The following TPD52L1 variants were observed in gnomAD, a reference collection of about 807,000 sequenced individuals.
TPD52L1 encodes the protein tumor protein D53.
Under a neutral mutation model 28.7 loss-of-function variants are expected in TPD52L1, and 18 were observed. The observed-to-expected ratio is 0.63, with a 90% CI of 0.43 to 0.93. The LOEUF (loss-of-function observed/expected upper bound fraction) is 0.93, where lower values mean the gene tolerates loss of function less well. Among genes scored for constraint, TPD52L1 ranks in the 40% least tolerant of loss-of-function variants. TPD52L1 has a pLI of 0.00. For missense variants in TPD52L1, 203 were observed against 254.8 expected, an observed-to-expected ratio of 0.80 and a Z score of 1.39; for synonymous variants, 75 against 88.8, an observed-to-expected ratio of 0.84 and a Z score of 0.88.
intron 5 of TPD52L1, 144 bp downstream of exon 5, chr6:125,253,899 T>C (rs756002266): frequency 2.4e-6 from 2 of 849,588 alleles, no homozygotes; most frequent in South Asian, 2.6e-5. Context: ...GACAATTCTG[T>C]GGAAGAATTG....
chr6:125,263,239 G>A lies in TPD52L1; in HGVS notation c.*277G>A, dbSNP rs1798159092. The A allele has an allele frequency of 2.6e-6, 1 of 381,916 alleles. No individual in the cohort carries two copies. Among genetic ancestry groups the A allele is most frequent in the African/African-American group, 2.0e-5 (1 of 48,894 alleles). 23.7% of individuals were successfully genotyped at this position (381,916 alleles called of 1,614,324 possible). A position where few individuals can be genotyped will look rare whatever the true frequency, so the allele number is the denominator to read the frequency against. On this transcript the variant is annotated 3_prime_UTR_variant, in exon 7 of 7. Transcript: ENST00000534000. ...ACAACTGGTCATAATTCCTGTCTGT[G>A]TAATTCGATGTATATTTTTCCAAAC...
At chr6:125,154,202 C>A in intron 1 of TPD52L1, 1 of 1,351,550 alleles carries the variant, frequency 7.4e-7, no homozygotes, top group Non-Finnish European at 9.5e-7. Flanking sequence ...GAGGCCCCTC[C>A]TCAGGAAATG....
At chr6:125,162,920 C>G (rs552467519) in intron 1 of TPD52L1, among the ~76,000 whole-genome samples, 1 of 152,292 alleles carries the variant, frequency 6.6e-6, no homozygotes, top group Admixed American at 6.5e-5. Flanking sequence ...ACTTTTAACT[C>G]ATTTTATAAA....
intron 3 of TPD52L1, among the ~76,000 whole-genome samples, chr6:125,241,498 C>T (rs1796608577): frequency 1.3e-5 from 2 of 151,990 alleles, no homozygotes; most frequent in African/African-American, 4.8e-5. Flanking sequence ...AATCTCGCTA[C>T]ATATTATTGG....
intron 1 of TPD52L1, among the ~76,000 whole-genome samples, chr6:125,167,119 G>A (rs1189052733): frequency 6.6e-6 from 1 of 152,052 alleles, no homozygotes; most frequent in East Asian, 1.9e-4. Context: ...TTAAAAATTA[G>A]CCAGGCGTGG....
chr6:125,256,443 TA>T (rs1235859610), intron 5 of TPD52L1, among the ~76,000 whole-genome samples: 1 of 152,240 alleles, frequency 6.6e-6, no homozygotes, highest in African/African-American at 2.4e-5. Flanking sequence ...CGCATGCTAA[TA>T]ACCTCCATTT....
chr6:125,202,233 TG>T (rs1793838494), intron 1 of TPD52L1, among the ~76,000 whole-genome samples: 1 of 151,966 alleles, frequency 6.6e-6, no homozygotes, highest in East Asian at 1.9e-4. Flanking sequence ...AAACATGCCT[TG>T]AAAAAAAAAG....
At chr6:125,255,097 C>G (rs1057159842) in intron 5 of TPD52L1, among the ~76,000 whole-genome samples, 2 of 152,092 alleles carry the variant, frequency 1.3e-5, no homozygotes, top group Non-Finnish European at 2.9e-5. Context: ...CTCTGTTCCC[C>G]TTTACTTGTC....
At chr6:125,230,076 ACT>A (rs1053017646) in intron 3 of TPD52L1, among the ~76,000 whole-genome samples, 1 of 151,642 alleles carries the variant, frequency 6.6e-6, no homozygotes, top group Non-Finnish European at 1.5e-5. Flanking sequence ...ACAGAGGGAG[ACT>A]CTGTCTCAAA....
intron 1 of TPD52L1, among the ~76,000 whole-genome samples, chr6:125,194,613 C>T (rs1228594237): frequency 6.6e-6 from 1 of 152,192 alleles, no homozygotes; most frequent in Non-Finnish European, 1.5e-5. Flanking sequence ...TGCCAATGAT[C>T]TTCCATATAA....
At chr6:125,202,696 G>A (rs538445364) in intron 1 of TPD52L1, among the ~76,000 whole-genome samples, 3 of 151,502 alleles carry the variant, frequency 2.0e-5, no homozygotes, top group Admixed American at 1.3e-4. Flanking sequence ...AATATAATAA[G>A]TGAGACTGTT....
chr6:125,187,427 T>C (rs1792715299), intron 1 of TPD52L1, among the ~76,000 whole-genome samples: 1 of 152,190 alleles, frequency 6.6e-6, no homozygotes, highest in African/African-American at 2.4e-5. Context: ...TTAGCTTAAG[T>C]AATGATACGT....
At chr6:125,229,444 C>T (rs1212450555) in intron 3 of TPD52L1, among the ~76,000 whole-genome samples, 178 bp downstream of exon 3, 1 of 152,174 alleles carries the variant, frequency 6.6e-6, no homozygotes, top group Non-Finnish European at 1.5e-5. Context: ...GCATGTGAAG[C>T]AGATTCTATA....
intron 1 of TPD52L1, among the ~76,000 whole-genome samples, chr6:125,190,241 G>C (rs1792943278): frequency 6.6e-6 from 1 of 152,104 alleles, no homozygotes; most frequent in Non-Finnish European, 1.5e-5. Context: ...GTCAAAATAT[G>C]ACCCCAATTT....
intron 1 of TPD52L1, among the ~76,000 whole-genome samples, chr6:125,171,389 G>A (rs964670376): frequency 6.6e-6 from 1 of 152,108 alleles, no homozygotes; most frequent in Admixed American, 6.6e-5. Flanking sequence ...AATTTCCCTA[G>A]TTAGAGCATG....
intron 1 of TPD52L1, among the ~76,000 whole-genome samples, chr6:125,159,978 T>C (rs2114735362): frequency 6.6e-6 from 1 of 152,288 alleles, no homozygotes; most frequent in Non-Finnish European, 1.5e-5. Context: ...TGATAGCAAG[T>C]CTCACGAGAC....
intron 1 of TPD52L1, chr6:125,208,776 G>A (rs1794325540): frequency 4.1e-6 from 1 of 243,208 alleles, no homozygotes; most frequent in Non-Finnish European, 6.6e-6. Context: ...CATAACCCGG[G>A]AGAAAAAGTA....
At chr6:125,205,071 A>G (rs1794031854) in intron 1 of TPD52L1, among the ~76,000 whole-genome samples, 1 of 152,216 alleles carries the variant, frequency 6.6e-6, no homozygotes, top group South Asian at 2.1e-4. Flanking sequence ...CTGAGGAAGG[A>G]AAGAGAGCAC....
At chr6:125,177,747 G>A (rs1469626364) in intron 1 of TPD52L1, among the ~76,000 whole-genome samples, 1 of 152,108 alleles carries the variant, frequency 6.6e-6, no homozygotes, top group Non-Finnish European at 1.5e-5. Flanking sequence ...TTTAAGTGAA[G>A]CTTGCAAGTG....
Sources: allele counts gnomAD v4.1 joint callset (sites outside exome capture counted in the v4.1 genomes callset), GRCh38; gene constraint gnomAD v4.1.1; transcripts MANE v1.5; gene names NCBI Gene and HGNC (gene_info 2026-07-23, HGNC 2026-07-21).